SLC26A11: variants seen among roughly 807,000 people sequenced by gnomAD.
SLC26A11 encodes the protein sodium-independent sulfate anion transporter.
Under a neutral mutation model 62.2 loss-of-function variants are expected in SLC26A11, and 58 were observed. The ratio of observed to expected loss-of-function variants is 0.93; its 90% confidence interval spans 0.76 to 1.16. The LOEUF is 1.16. Ranked by LOEUF, SLC26A11 falls within the 50% of genes most tolerant of loss-of-function variation. The probability of loss-of-function intolerance (pLI) is 0.00; values close to 1 mark genes in which losing one functional copy is unlikely to be tolerated. For synonymous variants in SLC26A11, 411 were observed against 368.9 expected, an observed-to-expected ratio of 1.11 and a Z score of -1.31; for missense variants, 790 against 794.3, an observed-to-expected ratio of 0.99 and a Z score of 0.06.
chr17:80,223,413 AGGCCAGTCCTGATCCCTGT>A lies in SLC26A11; in HGVS notation c.513+84_513+102del. On this transcript the variant is annotated intron_variant, in intron 5 of 17. Transcript: ENST00000361193. The surrounding 1 kb of genome is among the most constrained non-coding windows in gnomAD (Gnocchi z 4.6). ...CACAGGGATGGCGGGAGCAGGACTG[AGGCCAGTCCTGATCCCTGT>A]GGCCAGTGGACGTCTTGCTGTTTCA... The A allele has an allele frequency of 7.3e-7, 1 of 1,367,756 alleles. No homozygotes were observed. The highest frequency in any genetic ancestry group is 1.2e-5 in the South Asian group (1 of 84,656). The allele number at this position is 1,367,756 out of a possible 1,614,324, so 84.7% of individuals were successfully genotyped here. A position where few individuals can be genotyped will look rare whatever the true frequency, so the allele number is the denominator to read the frequency against.
At chr17:80,239,634 C>T (rs1239418113) in intron 9 of SLC26A11, among the ~76,000 whole-genome samples, 1 of 152,206 alleles carries the variant, frequency 6.6e-6, no homozygotes, top group Non-Finnish European at 1.5e-5. Context: ...GCCTTAGCCT[C>T]TCAAAGTGCT....
At chr17:80,240,621 G>A (rs1189852362) in intron 9 of SLC26A11, among the ~76,000 whole-genome samples, 18 of 151,360 alleles carry the variant, frequency 1.2e-4, no homozygotes, top group Non-Finnish European at 2.1e-4. Flanking sequence ...TGACCAACAT[G>A]GTGAAACCCC....
intron 11 of SLC26A11, among the ~76,000 whole-genome samples, chr17:80,245,542 A>C (rs774121547): frequency 1.2e-4 from 18 of 152,060 alleles, no homozygotes; most frequent in African/African-American, 4.3e-4. Context: ...GCTTGAGCCC[A>C]GCAGGATGAG....
intron 7 of SLC26A11, among the ~76,000 whole-genome samples, chr17:80,231,240 G>C (rs1054290261): frequency 1.4e-5 from 2 of 143,418 alleles, no homozygotes; most frequent in African/African-American, 5.2e-5. Flanking sequence ...TCAGCTCACT[G>C]CAACCTCCGC....
Position 80,225,869 on chromosome 17 carries a change from G to T in SLC26A11, c.546G>T (p.Pro182=). 1 of 1,613,980 alleles carries T rather than the reference G, an allele frequency of 6.2e-7. No homozygotes were observed. The highest frequency in any genetic ancestry group is 8.5e-7 in the Non-Finnish European group (1 of 1,179,924). The change falls in exon 6 of 18, where the codon CCG becomes CCT. Residue 182 remains proline, a synonymous_variant. Transcript: ENST00000361193. ...NLLGLQNIPR[P]FFLQVYHTFL... ...TGGGACTACAGAACATCCCCAGGCCGTTCTTCCTGCAGGTGTACCACACCT... is the reference window on the plus strand; with the variant it reads ...TGGGACTACAGAACATCCCCAGGCCTTTCTTCCTGCAGGTGTACCACACCT...
At position 80,222,667 on chromosome 17, in the gene SLC26A11, T is replaced by C. The variant is rs781013597; in HGVS notation, c.247T>C (p.Ser83Pro). The C allele has an allele frequency of 6.2e-7, 1 of 1,614,148 alleles. No individual in the cohort carries two copies. The highest frequency in any genetic ancestry group is 8.5e-7 in the Non-Finnish European group (1 of 1,180,008). Residue 83 changes from serine to proline, a missense_variant, in exon 4 of 18, where the codon TCT becomes CCT. Physicochemically the swap from Ser to Pro is moderately conservative, Grantham distance 74 (BLOSUM62 -1). Coordinates refer to ENST00000361193, the MANE Select transcript of SLC26A11 (RefSeq NM_001166347.2). This position sits in a 1 kb window ranked among gnomAD's most constrained non-coding sequence, Gnocchi z 4.7. Reference protein sequence around the residue: ...AGLPPQYGLYSAFMGCFVYFF... With the variant: ...AGLPPQYGLYPAFMGCFVYFF... ...TCTCTCCCCACAGTATGGCCTCTACTCTGCCTTCATGGGCTGCTTCGTGTA... is the reference window on the plus strand; with the variant it reads ...TCTCTCCCCACAGTATGGCCTCTACCCTGCCTTCATGGGCTGCTTCGTGTA...
At chr17:80,221,425 C>T (rs936892990) in intron 2 of SLC26A11, 123 bp from the exon 3 acceptor site, 17 of 668,936 alleles carry the variant, frequency 2.5e-5, no homozygotes, top group African/African-American at 3.6e-5. Flanking sequence ...TAGAGCCGTT[C>T]GCCCCCCTGG....
chr17:80,237,340 G>A, intron 8 of SLC26A11, 182 bp from the exon 9 acceptor site: 1 of 747,150 alleles, frequency 1.3e-6, no homozygotes, highest in South Asian at 1.9e-5. Flanking sequence ...TCCAGCTGAG[G>A]ATGAATTTAC....
chr17:80,244,287 T>C (rs2042938831), intron 10 of SLC26A11, among the ~76,000 whole-genome samples: 1 of 152,114 alleles, frequency 6.6e-6, no homozygotes, highest in Non-Finnish European at 1.5e-5. Flanking sequence ...GGGCTTTGTC[T>C]GTTGTAGGCA....
Position 80,241,689 on chromosome 17 carries a change from A to G in SLC26A11, c.986-82A>G, listed in dbSNP as rs1201490729. On this transcript the variant is annotated intron_variant, in intron 9 of 17. Transcript: ENST00000361193. ...AACTTATTGCCGTGTGTAGAAATTC[A>G]TAATCTGTGTTACATTTTGTGAATA... 7 of 1,414,844 alleles carry G rather than the reference A, an allele frequency of 4.9e-6. No individual in the cohort carries two copies. The East Asian group carries it at 1.6e-4, about 32-fold the overall frequency. The allele number at this position is 1,414,844 out of a possible 1,614,324, so 87.6% of individuals were successfully genotyped here. A position where few individuals can be genotyped will look rare whatever the true frequency, so the allele number is the denominator to read the frequency against.
chr17:80,235,571 G>T (rs1314251342), intron 7 of SLC26A11, among the ~76,000 whole-genome samples: 1 of 152,132 alleles, frequency 6.6e-6, no homozygotes, highest in Non-Finnish European at 1.5e-5. Context: ...GCTCAGGCTG[G>T]CCTCAAACTT....
chr17:80,224,323 GT>G (rs1316247960), intron 5 of SLC26A11, among the ~76,000 whole-genome samples: 3 of 150,000 alleles, frequency 2.0e-5, no homozygotes, highest in Admixed American at 2.0e-4. Context: ...GAGTGTGAGT[GT>G]GTATGAGTGA....
At chr17:80,243,976 G>C (rs745794364) in intron 10 of SLC26A11, among the ~76,000 whole-genome samples, 25 of 152,212 alleles carry the variant, frequency 1.6e-4, no homozygotes, top group Non-Finnish European at 2.6e-4. Flanking sequence ...CCTGCAGCCT[G>C]TGGTCACCTT....
chr17:80,239,226 C>T (rs12944089), intron 9 of SLC26A11, among the ~76,000 whole-genome samples: 47,518 of 150,662 alleles, frequency 0.32, 8,510 homozygotes, highest in East Asian at 0.6. Context: ...ATTACGGGTG[C>T]GCACCAACAT....
At chr17:80,232,868 G>C (rs2144910099) in intron 7 of SLC26A11, among the ~76,000 whole-genome samples, 1 of 152,016 alleles carries the variant, frequency 6.6e-6, no homozygotes, top group Middle Eastern at 3.4e-3. Context: ...TTGTTTGTTT[G>C]TTTCTAAGTG....
rs552109680 is a variant in SLC26A11 at position 80,245,355 on chromosome 17, C to T, written c.1097+99C>T. 169 of 1,232,752 alleles carry T rather than the reference C, an allele frequency of 1.4e-4. 2 individuals are homozygous for T. In the South Asian group the frequency reaches 2.1e-3, roughly 15 times the overall value. 76.4% of individuals were successfully genotyped at this position (1,232,752 alleles called of 1,614,324 possible). The stretch of plus-strand genomic sequence containing the variant: ...CCTGCCCTGACCCCGGCGCCCCGTC[C>T]TCCACTGTGAACGCTCCGTGGAGAG... On this transcript the variant is annotated intron_variant, in intron 11 of 17. Coordinates refer to ENST00000361193, the MANE Select transcript of SLC26A11 (RefSeq NM_001166347.2).
intron 9 of SLC26A11, among the ~76,000 whole-genome samples, chr17:80,239,156 C>T (rs1040410174): frequency 6.0e-5 from 9 of 150,164 alleles, no homozygotes; most frequent in African/African-American, 1.2e-4. Flanking sequence ...CTTGGCTCAC[C>T]GCAACCTCCG....
chr17:80,237,066 C>G lies in SLC26A11; in HGVS notation c.875C>G (p.Thr292Arg), dbSNP rs746148650. ...PVRIPPFSVT[T>R]ANGTISFTEM... ...CGGATCCCGCCCTTCTCAGTGACCA[C>G]AGCCAACGGGACGATCTCCTTCACC... The change falls in exon 8 of 18, where the codon ACA (threonine) becomes AGA (arginine). Residue 292 changes from threonine to arginine, a missense_variant. By Grantham distance (71) the Thr-to-Arg change is moderately conservative (BLOSUM62 -1). Coordinates refer to ENST00000361193, the MANE Select transcript of SLC26A11 (RefSeq NM_001166347.2). The G allele has an allele frequency of 2.4e-5, 39 of 1,613,728 alleles. No homozygotes were observed. The highest frequency in any genetic ancestry group is 3.2e-5 in the Non-Finnish European group (38 of 1,179,876).
chr17:80,239,785 C>T (rs185278762), intron 9 of SLC26A11, among the ~76,000 whole-genome samples: 2 of 152,368 alleles, frequency 1.3e-5, no homozygotes, highest in East Asian at 3.9e-4. Flanking sequence ...GCTAGGATTA[C>T]AGGCCTGAGC....
Sources: allele counts gnomAD v4.1 joint callset (sites outside exome capture counted in the v4.1 genomes callset), GRCh38; gene constraint gnomAD v4.1.1; non-coding constraint Gnocchi (gnomAD v3.1); transcripts MANE v1.5; gene names NCBI Gene and HGNC (gene_info 2026-07-23, HGNC 2026-07-21).